The following GUCY1A2 variants were observed in gnomAD, a reference collection of about 807,000 sequenced individuals.
GUCY1A2 encodes the protein guanylate cyclase 1 soluble subunit alpha 2.
GUCY1A2 carries 27 observed loss-of-function variants against 63.5 expected under a neutral mutation model. The observed-to-expected ratio is 0.43, with a 90% CI of 0.31 to 0.59. The LOEUF is 0.59. GUCY1A2 is among the 20% of genes least tolerant of loss of function. The pLI is 0.11. For synonymous variants in GUCY1A2, 364 were observed against 343.5 expected (o/e 1.06, Z -0.66); for missense variants, 768 against 913.3 (o/e 0.84, Z 2.05).
At chr11:106,999,388 A>G (rs984131704) in intron 1 of GUCY1A2, among the ~76,000 whole-genome samples, 2 of 152,216 alleles carry the variant, frequency 1.3e-5, no homozygotes, top group Non-Finnish European at 2.9e-5. Flanking sequence ...CTTGACTTTA[A>G]TATGCCCATG....
At chr11:106,777,801 C>T (rs1474385885) in intron 5 of GUCY1A2, among the ~76,000 whole-genome samples, 1 of 151,964 alleles carries the variant, frequency 6.6e-6, no homozygotes, top group Admixed American at 6.6e-5. Context: ...GCATGTTCTG[C>T]ACATGTACCC....
rs376688899 is a variant in GUCY1A2, at chr11:106,681,612, C to T, written c.*5937G>A. 6 of 222,934 alleles carry T rather than the reference C, an allele frequency of 2.7e-5. No homozygotes were observed. The highest frequency in any genetic ancestry group is 1.9e-4 in the East Asian group (3 of 15,410). The allele number at this position is 222,934 out of a possible 1,614,324, so 13.8% of individuals were successfully genotyped here. ...TGAATAACTTCTGAGATAGATTAAA[C>T]ATGTCATTTGCCCGAATATTTTTAA... On this transcript the variant is annotated 3_prime_UTR_variant, in exon 8 of 8. Coordinates refer to ENST00000526355, the MANE Select transcript of GUCY1A2 (RefSeq NM_000855.3).
In GUCY1A2 at chr11:106,901,981, A is replaced by G. The variant is rs115951329; in HGVS notation, c.1206+37479T>C. 9.1e-3 allele frequency among the ~76,000 whole-genome samples: 1,391 copies of G among 152,196 alleles called. 17 individuals are homozygous for G. The highest frequency in any genetic ancestry group is 0.031 in the African/African-American group (1,305 of 41,546). ...TGCGGCTTTATTCCAGAAGGTTTTC[A>G]ATTTACTTTGCCCATACCCACCAGA... On this transcript the variant is annotated intron_variant, in intron 4 of 7. Transcript: ENST00000526355.
At chr11:106,770,870 A>G (rs1864244248) in intron 6 of GUCY1A2, among the ~76,000 whole-genome samples, 1 of 149,158 alleles carries the variant, frequency 6.7e-6, no homozygotes, top group South Asian at 2.1e-4. Context: ...TCTTTTTCTC[A>G]TAGCATTTCC....
At chr11:106,864,066 G>A (rs921932440) in intron 4 of GUCY1A2, among the ~76,000 whole-genome samples, 1 of 151,976 alleles carries the variant, frequency 6.6e-6, no homozygotes, top group Non-Finnish European at 1.5e-5. Flanking sequence ...GCCTGTCGGG[G>A]GTTGGGAGCG....
intron 1 of GUCY1A2, among the ~76,000 whole-genome samples, chr11:107,008,170 C>A (rs1028510069): frequency 2.7e-5 from 4 of 148,258 alleles, no homozygotes; most frequent in Non-Finnish European, 5.9e-5. Context: ...TTCCAACTAC[C>A]CAGGAGGCTG....
At chr11:106,769,449 G>A (rs564482913) in intron 6 of GUCY1A2, among the ~76,000 whole-genome samples, 127 of 152,254 alleles carry the variant, frequency 8.3e-4, no homozygotes, top group African/African-American at 2.9e-3. Flanking sequence ...TCTAAGGAGA[G>A]TATGTAGAAT....
chr11:106,984,764 G>A (rs541412785), intron 2 of GUCY1A2, among the ~76,000 whole-genome samples: 10 of 152,170 alleles, frequency 6.6e-5, no homozygotes, highest in South Asian at 2.1e-4. Flanking sequence ...CTTGGAAAGC[G>A]GCAAATTCAA....
intron 4 of GUCY1A2, among the ~76,000 whole-genome samples, chr11:106,873,679 G>A (rs1331205035): frequency 6.6e-6 from 1 of 152,090 alleles, no homozygotes; most frequent in Non-Finnish European, 1.5e-5. Context: ...ACCTTTGTCA[G>A]ATGGGTAGAT....
intron 4 of GUCY1A2, among the ~76,000 whole-genome samples, chr11:106,886,195 G>A (rs1019423669): frequency 6.6e-6 from 1 of 152,056 alleles, no homozygotes; most frequent in African/African-American, 2.4e-5. Flanking sequence ...TCTGACCAAT[G>A]GAATATAATT....
chr11:106,724,407 T>G (rs554088669), intron 6 of GUCY1A2, among the ~76,000 whole-genome samples: 1 of 152,312 alleles, frequency 6.6e-6, no homozygotes, highest in East Asian at 1.9e-4. Flanking sequence ...CCACAAAAAT[T>G]GGCTCCAATC....
intron 5 of GUCY1A2, among the ~76,000 whole-genome samples, chr11:106,788,656 G>T (rs1864606780): frequency 1.3e-5 from 2 of 152,152 alleles, no homozygotes; most frequent in Admixed American, 1.3e-4. Flanking sequence ...TTATTGAAGA[G>T]ACTGTCCTTT....
At chr11:106,729,656 T>G (rs1863466394) in intron 6 of GUCY1A2, among the ~76,000 whole-genome samples, 2 of 152,066 alleles carry the variant, frequency 1.3e-5, no homozygotes, top group Admixed American at 1.3e-4. Flanking sequence ...AATGATTCCC[T>G]CAATGACAAA....
At chr11:106,946,232 G>C (rs1029762051) in intron 3 of GUCY1A2, among the ~76,000 whole-genome samples, 1 of 152,040 alleles carries the variant, frequency 6.6e-6, no homozygotes, top group African/African-American at 2.4e-5. Flanking sequence ...AAAAACCCAT[G>C]GGTCTAATTC....
chr11:106,780,175 C>T (rs933865500), intron 5 of GUCY1A2, among the ~76,000 whole-genome samples: 12 of 151,846 alleles, frequency 7.9e-5, no homozygotes, highest in Non-Finnish European at 1.5e-4. Flanking sequence ...CTCTTTCTCT[C>T]CATAGGTGTG....
intron 4 of GUCY1A2, among the ~76,000 whole-genome samples, chr11:106,819,999 G>A (rs931462159): frequency 1.3e-5 from 2 of 152,078 alleles, no homozygotes; most frequent in African/African-American, 2.4e-5. Context: ...GAAGGATTGA[G>A]GAGATGTTGA....
rs528193647 is a variant in GUCY1A2 at position 106,681,357 on chromosome 11, C to T, written c.*6192G>A. The T allele has an allele frequency of 8.8e-6, 2 of 226,114 alleles. No individual in the cohort carries two copies. The highest frequency in any genetic ancestry group is 4.4e-5 in the African/African-American group (2 of 44,944). The allele number at this position is 226,114 out of a possible 1,614,324, so 14.0% of individuals were successfully genotyped here. A position where few individuals can be genotyped will look rare whatever the true frequency, so the allele number is the denominator to read the frequency against. On this transcript the variant is annotated 3_prime_UTR_variant, in exon 8 of 8. Transcript: ENST00000526355. ...AAGACCCATCTATATTTTTGCAAAG[C>T]CTACTTTCTCAATCACCTCTTCCAA...
chr11:106,739,158 T>C (rs1196754390), intron 6 of GUCY1A2, among the ~76,000 whole-genome samples: 3 of 152,212 alleles, frequency 2.0e-5, no homozygotes, highest in African/African-American at 7.2e-5. Flanking sequence ...GTAGCAATTG[T>C]GAATGGGAGT....
At chr11:106,998,291 G>A (rs1353278499) in intron 1 of GUCY1A2, among the ~76,000 whole-genome samples, 2 of 152,120 alleles carry the variant, frequency 1.3e-5, no homozygotes, top group African/African-American at 2.4e-5. Context: ...GAGAGAGAGG[G>A]TGAAAGGATG....
Sources: allele counts gnomAD v4.1 joint callset (sites outside exome capture counted in the v4.1 genomes callset), GRCh38; gene constraint gnomAD v4.1.1; transcripts MANE v1.5; gene names NCBI Gene and HGNC (gene_info 2026-07-23, HGNC 2026-07-21).